The following PROCR variants were observed in gnomAD, a reference collection of about 807,000 sequenced individuals.
PROCR encodes endothelial protein C receptor.
A neutral mutation model predicts 24.2 loss-of-function variants in PROCR; 22 were observed. The ratio of observed to expected loss-of-function variants is 0.91; its 90% CI spans 0.65 to 1.30. PROCR has a LOEUF of 1.30. PROCR is among the 50% of genes most tolerant of loss of function. The pLI is 0.00. For synonymous variants in PROCR, 137 were observed against 139.2 expected, an observed-to-expected ratio of 0.98 and a Z score of 0.11; for missense variants, 288 against 307.7, an observed-to-expected ratio of 0.94 and a Z score of 0.48.
chr20:35,176,583 A>T (rs2086021122), intron 3 of PROCR, 115 bp from the exon 4 acceptor site: 2 of 1,585,436 alleles, frequency 1.3e-6, no homozygotes, highest in South Asian at 2.3e-5. Flanking sequence ...ACGCAGCTTC[A>T]GTCAGTTGGT....
chr20:35,176,429 C>T lies in PROCR; in HGVS notation c.584C>T (p.Ser195Phe). 1.2e-6 allele frequency: 2 copies of T among 1,614,012 alleles called. No homozygotes were observed. Among genetic ancestry groups the T allele is most frequent in the Non-Finnish European group, 1.7e-6 (2 of 1,179,946 alleles). ...TCVQYVQKHI[S>F]AENTKGSQTS... ...GTGCAGTATGTGCAGAAACATATTTCCGCGGAAAACACGAAAGGTATGATG... is the reference window on the plus strand; with the variant it reads ...GTGCAGTATGTGCAGAAACATATTTTCGCGGAAAACACGAAAGGTATGATG... The change falls in exon 3 of 4, where the codon TCC becomes TTC. Residue 195 changes from serine to phenylalanine, a missense_variant. Coordinates refer to ENST00000216968, the MANE Select transcript of PROCR (RefSeq NM_006404.5).
At chr20:35,179,714 A>T (rs1313215641), downstream of PROCR, among the ~76,000 whole-genome samples, 1 of 152,122 alleles carries the variant, frequency 6.6e-6, no homozygotes, top group Non-Finnish European at 1.5e-5. Flanking sequence ...TGCTCTCTCT[A>T]CTTCTGATGT....
At chr20:35,182,714 G>A (rs779970733) in intron 1 of PROCR, among the ~76,000 whole-genome samples, 8 of 152,114 alleles carry the variant, frequency 5.3e-5, no homozygotes, top group Non-Finnish European at 1.2e-4. Flanking sequence ...GGTGGCTCAC[G>A]CCTGTAATCC....
intron 1 of PROCR, among the ~76,000 whole-genome samples, chr20:35,209,053 T>A (rs748711495): frequency 2.0e-5 from 3 of 152,162 alleles, no homozygotes; most frequent in Non-Finnish European, 4.4e-5. Context: ...TTCATGGAGC[T>A]TATGGTGTAG....
At chr20:35,192,968 C>G (rs1228275746) in intron 1 of PROCR, among the ~76,000 whole-genome samples, 1 of 152,032 alleles carries the variant, frequency 6.6e-6, no homozygotes, top group South Asian at 2.1e-4. Flanking sequence ...AACTACAAGT[C>G]TTAATATAAG....
chr20:35,207,752 A>G (rs984984711), intron 1 of PROCR, among the ~76,000 whole-genome samples: 11 of 151,730 alleles, frequency 7.2e-5, no homozygotes, highest in Non-Finnish European at 1.6e-4. Context: ...CTGGTCTCGA[A>G]CTCCTGACCT....
chr20:35,172,022 C>A (rs912260577), upstream of PROCR: 3 of 788,884 alleles, frequency 3.8e-6, no homozygotes, highest in Non-Finnish European at 6.7e-6. Context: ...CATCTCCTGG[C>A]CTCCTTCCAT....
intron 1 of PROCR, among the ~76,000 whole-genome samples, chr20:35,198,013 G>A (rs555913780): frequency 3.9e-5 from 6 of 152,008 alleles, no homozygotes; most frequent in South Asian, 2.1e-4. Flanking sequence ...GGCCAGGCGC[G>A]GTGGCTCACA....
At chr20:35,203,625 A>T (rs907140245) in intron 1 of PROCR, among the ~76,000 whole-genome samples, 2 of 149,400 alleles carry the variant, frequency 1.3e-5, no homozygotes, top group Non-Finnish European at 1.5e-5. Context: ...TCAAAAAAAA[A>T]GAAAAAAAAG....
chr20:35,174,993 T>G, intron 2 of PROCR, 40 bp downstream of exon 2: 1 of 679,530 alleles, frequency 1.5e-6, no homozygotes, highest in South Asian at 5.0e-5. Context: ...TGGGCGGGGC[T>G]AGTGGGGGCG....
intron 1 of PROCR, among the ~76,000 whole-genome samples, chr20:35,213,606 C>T (rs2060370223): frequency 6.6e-6 from 1 of 152,030 alleles, no homozygotes; most frequent in South Asian, 2.1e-4. Context: ...GCCCTCTTTT[C>T]AGGGAGTGGC....
chr20:35,185,650 C>T (rs1325053346), intron 1 of PROCR, among the ~76,000 whole-genome samples: 1 of 152,116 alleles, frequency 6.6e-6, no homozygotes, highest in Non-Finnish European at 1.5e-5. Context: ...AACCAAACAT[C>T]ATATGTTCTC....
In PROCR at chr20:35,174,916, C is replaced by T. The variant is rs1444211386; in HGVS notation, c.285C>T (p.Gly95=). ...GLQSYLLQFH[G]LVRLVHQERT... ...AGTCCTACCTGCTCCAGTTCCACGGCCTCGTGCGCCTGGTGCACCAGGAGC... is the reference window on the plus strand; with the variant it reads ...AGTCCTACCTGCTCCAGTTCCACGGTCTCGTGCGCCTGGTGCACCAGGAGC... The change falls in exon 2 of 4, where the codon GGC becomes GGT. Residue 95 remains glycine, a synonymous_variant. Coordinates refer to ENST00000216968, the MANE Select transcript of PROCR (RefSeq NM_006404.5). 16 of 1,598,642 alleles carry T rather than the reference C, an allele frequency of 1.0e-5. No homozygotes were observed. The highest frequency in any genetic ancestry group is 5.1e-6 in the Non-Finnish European group (6 of 1,173,014).
chr20:35,181,713 A>G (rs2086080693), downstream of PROCR, among the ~76,000 whole-genome samples: 1 of 152,222 alleles, frequency 6.6e-6, no homozygotes, highest in Admixed American at 6.5e-5. Flanking sequence ...TAAAGGAAAA[A>G]CGGAACGCCT....
chr20:35,201,265 T>C (rs189179066), intron 1 of PROCR, among the ~76,000 whole-genome samples: 5 of 151,224 alleles, frequency 3.3e-5, no homozygotes, highest in East Asian at 3.9e-4. Context: ...AAAGGGGACA[T>C]TGAGAGGCAA....
chr20:35,175,183 C>T (rs1399286229), intron 2 of PROCR, among the ~76,000 whole-genome samples: 1 of 151,902 alleles, frequency 6.6e-6, no homozygotes, highest in Non-Finnish European at 1.5e-5. Context: ...GCTGGCATAA[C>T]CTCTTGGGAT....
chr20:35,175,947 T>C (rs979269081), intron 2 of PROCR, among the ~76,000 whole-genome samples: 1 of 151,832 alleles, frequency 6.6e-6, no homozygotes, highest in African/African-American at 2.4e-5. Flanking sequence ...TTCCCTTTTT[T>C]CATCACAGTC....
At chr20:35,202,889 C>T (rs1433276599) in intron 1 of PROCR, 3 of 152,200 alleles carry the variant, frequency 2.0e-5, no homozygotes, top group Admixed American at 1.3e-4. Context: ...TCAAGAGCAA[C>T]AGAATACATA....
At chr20:35,206,681 T>C (rs1259932029) in intron 1 of PROCR, among the ~76,000 whole-genome samples, 2 of 151,994 alleles carry the variant, frequency 1.3e-5, no homozygotes, top group African/African-American at 2.4e-5. Context: ...CCTATTGAAA[T>C]TGAAAAAAAT....
Sources: gnomAD v4.1 joint callset for allele counts (sites outside exome capture counted in the v4.1 genomes callset) on GRCh38, gnomAD v4.1.1 for gene constraint, MANE v1.5 for transcripts, NCBI Gene and HGNC (gene_info 2026-07-23, HGNC 2026-07-21) for gene names.